GLIS3: variants seen among roughly 807,000 people sequenced by gnomAD.
GLIS3 encodes zinc finger protein GLIS3.
In GLIS3, 53 loss-of-function variants were observed where a neutral mutation model predicts 78.6. The ratio of observed to expected loss-of-function variants is 0.67; its 90% CI spans 0.54 to 0.85. The LOEUF (loss-of-function observed/expected upper bound fraction) is 0.85, where lower values mean the gene tolerates loss of function less well. Ranked by LOEUF, GLIS3 falls within the 40% of genes least tolerant of loss-of-function variation. GLIS3 has a pLI of 0.00. For missense variants in GLIS3, 1,703 were observed against 1,231.1 expected, an observed-to-expected ratio of 1.38 and a Z score of -5.74; for synonymous variants, 684 against 509.9, an observed-to-expected ratio of 1.34 and a Z score of -4.60.
intron 2 of GLIS3, among the ~76,000 whole-genome samples, chr9:4,238,483 A>G (rs1268486715): frequency 6.6e-6 from 1 of 152,186 alleles, no homozygotes; most frequent in African/African-American, 2.4e-5. Flanking sequence ...AGTTTACAAT[A>G]ATTTTTAAAA....
intron 2 of GLIS3, among the ~76,000 whole-genome samples, chr9:4,189,104 G>A (rs10974381): frequency 6.6e-6 from 1 of 150,708 alleles, no homozygotes; most frequent in Non-Finnish European, 1.5e-5. Context: ...GTCAATTTTA[G>A]ATCTTTCCTG....
the GLIS3 span, among the ~76,000 whole-genome samples, chr9:4,485,898 T>C: frequency 6.6e-6 from 1 of 152,094 alleles, no homozygotes; most frequent in Non-Finnish European, 1.5e-5. Flanking sequence ...ATTTTTTGTA[T>C]TTTTAGCAGA....
At chr9:4,223,775 T>C (rs999795372) in intron 2 of GLIS3, among the ~76,000 whole-genome samples, 20 of 152,204 alleles carry the variant, frequency 1.3e-4, no homozygotes, top group African/African-American at 4.1e-4. Context: ...ATACTGATTT[T>C]TTCTACATTT....
the GLIS3 span, among the ~76,000 whole-genome samples, chr9:4,375,946 C>G: frequency 2.0e-5 from 3 of 152,180 alleles, no homozygotes; most frequent in South Asian, 6.2e-4. Context: ...GTTTCATTGG[C>G]TCACTTAACT....
At chr9:4,380,119 C>G in the GLIS3 span, among the ~76,000 whole-genome samples, 13 of 152,170 alleles carry the variant, frequency 8.5e-5, no homozygotes, top group Non-Finnish European at 1.9e-4. Flanking sequence ...GACAAGGTTT[C>G]AAACCTAGAA....
intron 2 of GLIS3, among the ~76,000 whole-genome samples, chr9:4,267,944 CCTGTGTGTGTGTGTGT>C (rs1408941341): frequency 3.3e-5 from 5 of 150,008 alleles, no homozygotes; most frequent in Non-Finnish European, 7.4e-5. Context: ...TATAAAAATA[CCTGTGTGTGTGTGTGT>C]GTGTGTGTGT....
At chr9:4,389,600 A>C in the GLIS3 span, among the ~76,000 whole-genome samples, 1 of 152,194 alleles carries the variant, frequency 6.6e-6, no homozygotes, top group Non-Finnish European at 1.5e-5. Context: ...CAAAATAACC[A>C]GCTAAATATA....
chr9:3,942,173 T>C (rs1588278916), intron 4 of GLIS3, among the ~76,000 whole-genome samples: 1 of 152,208 alleles, frequency 6.6e-6, no homozygotes, highest in Admixed American at 6.5e-5. Context: ...TTCCATACCA[T>C]TGCTGATGTC....
chr9:3,864,971 C>G (rs1337592075), intron 8 of GLIS3, among the ~76,000 whole-genome samples: 5 of 152,124 alleles, frequency 3.3e-5, no homozygotes, highest in African/African-American at 1.2e-4. Context: ...CAACTTGGTG[C>G]CAATTCCTGT....
intron 4 of GLIS3, among the ~76,000 whole-genome samples, chr9:4,076,216 C>G (rs1378076815): frequency 2.0e-5 from 3 of 152,126 alleles, no homozygotes; most frequent in African/African-American, 7.2e-5. Flanking sequence ...CATCTACTAT[C>G]CCATAAGAAC....
chr9:3,991,516 C>T (rs191827636), intron 4 of GLIS3, among the ~76,000 whole-genome samples: 38 of 152,080 alleles, frequency 2.5e-4, no homozygotes, highest in Admixed American at 3.9e-4. Flanking sequence ...AAACACGTCT[C>T]GGAGTCTTAA....
At chr9:4,129,117 T>C (rs1832777380) in intron 2 of GLIS3, among the ~76,000 whole-genome samples, 1 of 152,208 alleles carries the variant, frequency 6.6e-6, no homozygotes, top group African/African-American at 2.4e-5. Flanking sequence ...CAAGAACCAC[T>C]GTGCTCAATA....
chr9:3,882,584 C>A (rs1298987138), intron 7 of GLIS3, among the ~76,000 whole-genome samples: 1 of 152,182 alleles, frequency 6.6e-6, no homozygotes. Flanking sequence ...CCAGAATATG[C>A]CCTCCAGCTG....
chr9:4,108,246 T>C (rs1790324812), intron 4 of GLIS3, among the ~76,000 whole-genome samples: 1 of 152,202 alleles, frequency 6.6e-6, no homozygotes, highest in Non-Finnish European at 1.5e-5. Context: ...CGTTAAAATG[T>C]AGATACCCTT....
At chr9:4,019,758 T>C (rs1004115397) in intron 4 of GLIS3, among the ~76,000 whole-genome samples, 1 of 152,088 alleles carries the variant, frequency 6.6e-6, no homozygotes, top group Non-Finnish European at 1.5e-5. Flanking sequence ...TTAGAGACAG[T>C]GTCTCACTCT....
intron 2 of GLIS3, among the ~76,000 whole-genome samples, chr9:4,324,948 C>G (rs1817580551): frequency 6.6e-6 from 1 of 152,206 alleles, no homozygotes; most frequent in Admixed American, 6.5e-5. Context: ...TTACTGAGAA[C>G]TTACTGTGTG....
intron 4 of GLIS3, among the ~76,000 whole-genome samples, chr9:4,055,355 T>C (rs535188602): frequency 6.6e-6 from 1 of 152,338 alleles, no homozygotes; most frequent in South Asian, 2.1e-4. Context: ...CGTCCATCCC[T>C]GTTCCTGATC....
chr9:3,902,861 C>A (rs1232382240), intron 6 of GLIS3, among the ~76,000 whole-genome samples: 1 of 152,222 alleles, frequency 6.6e-6, no homozygotes, highest in East Asian at 1.9e-4. Context: ...ACTATCTCAT[C>A]TTCCTTGATC....
intron 2 of GLIS3, among the ~76,000 whole-genome samples, chr9:4,281,440 T>C (rs1452626525): frequency 1.3e-5 from 2 of 152,194 alleles, no homozygotes; most frequent in African/African-American, 4.8e-5. Context: ...TAACTCCTCA[T>C]GCCCCCTTCT....
Sources: gnomAD v4.1 joint callset for allele counts (sites outside exome capture counted in the v4.1 genomes callset) on GRCh38, gnomAD v4.1.1 for gene constraint, MANE v1.5 for transcripts, NCBI Gene and HGNC (gene_info 2026-07-23, HGNC 2026-07-21) for gene names.